Variants in FYN observed in about 807,000 individuals in gnomAD.
FYN encodes the protein tyrosine-protein kinase Fyn.
A neutral mutation model predicts 70.2 loss-of-function variants in FYN; 10 were observed. The observed-to-expected ratio is 0.14, with a 90% CI of 0.09 to 0.24. FYN has a LOEUF of 0.24. FYN is among the 10% of genes least tolerant of loss of function. The pLI is 1.00. For missense variants in FYN, 319 were observed against 673.1 expected (o/e 0.47, Z 5.82); for synonymous variants, 236 against 248.6 (o/e 0.95, Z 0.48).
chr6:111,796,366 G>A (rs1303765919), intron 2 of FYN, among the ~76,000 whole-genome samples: 1 of 152,172 alleles, frequency 6.6e-6, no homozygotes, highest in African/African-American at 2.4e-5. Flanking sequence ...TTACCATTGT[G>A]TTATAATTAC....
At chr6:111,827,664 A>C (rs1390939033) in intron 2 of FYN, among the ~76,000 whole-genome samples, 1 of 152,194 alleles carries the variant, frequency 6.6e-6, no homozygotes, top group Non-Finnish European at 1.5e-5. Flanking sequence ...ATGCCCCCAC[A>C]TACCCTTTCC....
At chr6:111,857,650 G>T (rs886833003) in intron 1 of FYN, among the ~76,000 whole-genome samples, 4 of 152,066 alleles carry the variant, frequency 2.6e-5, no homozygotes, top group African/African-American at 9.7e-5. Flanking sequence ...ATTTGTGCAT[G>T]ATTGAATTCA....
At chr6:111,677,569 A>C (rs1054481136) in intron 12 of FYN, among the ~76,000 whole-genome samples, 2 of 152,160 alleles carry the variant, frequency 1.3e-5, no homozygotes, top group African/African-American at 4.8e-5. Flanking sequence ...CAGCATCCCT[A>C]AGGTTGTGTA....
At chr6:111,764,412 G>C (rs936112258) in intron 3 of FYN, among the ~76,000 whole-genome samples, 3 of 152,108 alleles carry the variant, frequency 2.0e-5, no homozygotes, top group African/African-American at 7.2e-5. Flanking sequence ...CAAGCCTTGG[G>C]TATTTTGTAA....
At chr6:111,836,225 T>C (rs910345697) in intron 2 of FYN, among the ~76,000 whole-genome samples, 2 of 152,136 alleles carry the variant, frequency 1.3e-5, no homozygotes, top group Non-Finnish European at 2.9e-5. Flanking sequence ...ATTCCTCCAA[T>C]GTGGGTGAAG....
chr6:111,724,905 G>A (rs1801125950), intron 3 of FYN, among the ~76,000 whole-genome samples: 2 of 152,118 alleles, frequency 1.3e-5, no homozygotes, highest in South Asian at 4.2e-4. Context: ...TAAGAACCTA[G>A]AAACCAAATG....
intron 1 of FYN, among the ~76,000 whole-genome samples, chr6:111,854,207 G>A (rs1562546377): frequency 6.6e-6 from 1 of 152,182 alleles, no homozygotes; most frequent in South Asian, 2.1e-4. Flanking sequence ...TGTGTGAGAC[G>A]ACTATACAGT....
intron 2 of FYN, among the ~76,000 whole-genome samples, chr6:111,802,387 T>G (rs1407798962): frequency 1.3e-5 from 2 of 152,136 alleles, no homozygotes; most frequent in East Asian, 3.9e-4. Flanking sequence ...TGTGGAACTC[T>G]GAGCCAATTA....
intron 1 of FYN, among the ~76,000 whole-genome samples, chr6:111,853,807 T>C (rs1773750492): frequency 6.6e-6 from 1 of 152,132 alleles, no homozygotes; most frequent in African/African-American, 2.4e-5. Flanking sequence ...TTTGTACAGA[T>C]GGAGTTTCAC....
chr6:111,741,611 G>T (rs1801971551), intron 3 of FYN, among the ~76,000 whole-genome samples: 1 of 119,424 alleles, frequency 8.4e-6, no homozygotes, highest in African/African-American at 3.0e-5. Flanking sequence ...TAAGAAAATG[G>T]TGACAACAGC....
chr6:111,808,561 T>A (rs1322299170), intron 2 of FYN, among the ~76,000 whole-genome samples: 1 of 152,238 alleles, frequency 6.6e-6, no homozygotes, highest in Non-Finnish European at 1.5e-5. Context: ...TTCTTCTTGC[T>A]AAACTCAACT....
chr6:111,802,808 T>G lies in FYN; in HGVS notation c.-81-22173A>C, dbSNP rs551483982. 2.6e-5 allele frequency among the ~76,000 whole-genome samples: 4 copies of G among 152,108 alleles called. No individual in the cohort carries two copies. In the South Asian group the frequency reaches 8.3e-4, roughly 32 times the overall value. On this transcript the variant is annotated intron_variant, in intron 2 of 13. Transcript: ENST00000354650. Reference sequence around the variant, plus strand: ...AAAAAAAAATTCATTGGATTTACAATGCAGCATCTTATTCCTTTGTGGGAC... The same window carrying G: ...AAAAAAAAATTCATTGGATTTACAAGGCAGCATCTTATTCCTTTGTGGGAC...
intron 3 of FYN, among the ~76,000 whole-genome samples, chr6:111,721,412 C>T (rs755399987): frequency 6.6e-6 from 1 of 152,008 alleles, no homozygotes; most frequent in Non-Finnish European, 1.5e-5. Flanking sequence ...TCTCTTTTAC[C>T]CTCTCTGTAT....
At chr6:111,821,963 T>G (rs1772678102) in intron 2 of FYN, among the ~76,000 whole-genome samples, 1 of 151,874 alleles carries the variant, frequency 6.6e-6, no homozygotes, top group Admixed American at 6.6e-5. Flanking sequence ...TGGTGATCAT[T>G]AAAAAATCAG....
At chr6:111,720,788 T>C (rs1372743017) in intron 3 of FYN, among the ~76,000 whole-genome samples, 1 of 152,056 alleles carries the variant, frequency 6.6e-6, no homozygotes, top group African/African-American at 2.4e-5. Context: ...TTCAAAAACA[T>C]TAAAAAAAAA....
intron 2 of FYN, among the ~76,000 whole-genome samples, chr6:111,796,850 T>C (rs1192587451): frequency 6.6e-6 from 1 of 152,152 alleles, no homozygotes; most frequent in Non-Finnish European, 1.5e-5. Flanking sequence ...GAAAATGAGA[T>C]GATGAGTCAG....
chr6:111,660,896 G>C lies in FYN; in HGVS notation c.*843C>G, dbSNP rs1441627163. The C allele has an allele frequency of 6.6e-6, 1 of 152,162 alleles. No homozygotes were observed. Among genetic ancestry groups the C allele is most frequent in the Non-Finnish European group, 1.5e-5 (1 of 68,028 alleles). The allele number at this position is 152,162 out of a possible 1,614,324, so 9.4% of individuals were successfully genotyped here. Reference sequence around the variant, plus strand: ...TCTTGGTAGTATCAGCCATTTGCTTGCTTATTTTTAAGTTTTGAGAACAAA... The same window carrying C: ...TCTTGGTAGTATCAGCCATTTGCTTCCTTATTTTTAAGTTTTGAGAACAAA... On this transcript the variant is annotated 3_prime_UTR_variant, in exon 14 of 14. Transcript: ENST00000354650.
At chr6:111,699,627 C>T (rs528276348) in intron 9 of FYN, 23 of 1,614,000 alleles carry the variant, frequency 1.4e-5, no homozygotes, top group Middle Eastern at 1.6e-4. Context: ...GGGTACAACT[C>T]GATGCAATCA....
intron 3 of FYN, among the ~76,000 whole-genome samples, chr6:111,737,877 TCACTAATGG>T (rs1157041579): frequency 6.6e-6 from 1 of 152,104 alleles, no homozygotes; most frequent in Non-Finnish European, 1.5e-5. Context: ...CTTCACAATA[TCACTAATGG>T]CCTCAAATTT....
Sources: allele counts gnomAD v4.1 joint callset (sites outside exome capture counted in the v4.1 genomes callset), GRCh38; gene constraint gnomAD v4.1.1; transcripts MANE v1.5; gene names NCBI Gene and HGNC (gene_info 2026-07-23, HGNC 2026-07-21).